SYN2: variants seen among roughly 807,000 people sequenced by gnomAD.
SYN2 encodes the protein synapsin-2.
In SYN2, 19 loss-of-function variants were observed where a neutral mutation model predicts 50.9. The observed-to-expected ratio is 0.37, with a 90% confidence interval of 0.26 to 0.55. The LOEUF (loss-of-function observed/expected upper bound fraction) is 0.55, where lower values mean the gene tolerates loss of function less well. Ranked by LOEUF, SYN2 falls within the 20% of genes least tolerant of loss-of-function variation. The pLI, the probability that SYN2 is intolerant of heterozygous loss-of-function variation, is 0.81. For missense variants in SYN2, 587 were observed against 576.4 expected (o/e 1.02, Z -0.19); for synonymous variants, 255 against 224.9 (o/e 1.13, Z -1.20).
chr3:12,066,551 T>C (rs2125165624), intron 1 of SYN2, among the ~76,000 whole-genome samples: 1 of 152,298 alleles, frequency 6.6e-6, no homozygotes, highest in Non-Finnish European at 1.5e-5. Context: ...TTATGCAAAC[T>C]GAATATTTGC....
intron 1 of SYN2, among the ~76,000 whole-genome samples, chr3:12,098,161 G>A (rs1012655282): frequency 6.6e-6 from 1 of 152,146 alleles, no homozygotes. Context: ...ATGTAGAAGA[G>A]ATCTTAAAAA....
intron 1 of SYN2, among the ~76,000 whole-genome samples, chr3:12,110,047 G>T (rs1441006808): frequency 6.6e-6 from 1 of 152,058 alleles, no homozygotes; most frequent in South Asian, 2.1e-4. Context: ...AGATTAGCTG[G>T]GTGTAGTGAT....
chr3:12,013,028 A>C (rs1037869030), intron 1 of SYN2, among the ~76,000 whole-genome samples: 5 of 152,348 alleles, frequency 3.3e-5, no homozygotes, highest in Non-Finnish European at 7.4e-5. Context: ...CTAATTGCTA[A>C]ATCCAGAGGA....
intron 1 of SYN2, among the ~76,000 whole-genome samples, chr3:12,099,513 A>C (rs1036500173): frequency 1.1e-4 from 17 of 152,196 alleles, no homozygotes; most frequent in African/African-American, 4.1e-4. Context: ...GAAAACAAAC[A>C]TACCATATTG....
chr3:12,144,658 A>G (rs540324110), intron 3 of SYN2, among the ~76,000 whole-genome samples: 2 of 152,352 alleles, frequency 1.3e-5, no homozygotes, highest in African/African-American at 4.8e-5. Flanking sequence ...TACCTTAGAA[A>G]AAGGTAGTGC....
chr3:12,088,682 A>G (rs541996125), intron 1 of SYN2, among the ~76,000 whole-genome samples: 2 of 152,342 alleles, frequency 1.3e-5, no homozygotes, highest in South Asian at 4.1e-4. Context: ...TGTAGTATAT[A>G]TACACAATGG....
At chr3:12,137,462 A>C (rs993105208) in intron 1 of SYN2, among the ~76,000 whole-genome samples, 2 of 152,200 alleles carry the variant, frequency 1.3e-5, no homozygotes, top group African/African-American at 4.8e-5. Context: ...TTCTGTCATA[A>C]ATTATTCATC....
chr3:12,063,398 G>A (rs1005200626), intron 1 of SYN2, among the ~76,000 whole-genome samples: 1 of 151,950 alleles, frequency 6.6e-6, no homozygotes, highest in Non-Finnish European at 1.5e-5. Context: ...GAATCTAAAC[G>A]TAAGAACTGT....
At chr3:12,078,197 G>T (rs897450096) in intron 1 of SYN2, among the ~76,000 whole-genome samples, 1 of 151,598 alleles carries the variant, frequency 6.6e-6, no homozygotes, top group South Asian at 2.1e-4. Flanking sequence ...TAAACTCTTT[G>T]TAGATTCTGG....
intron 11 of SYN2, 100 bp from the exon 12 acceptor site, chr3:12,187,269 C>T (rs1375531537): frequency 7.0e-7 from 1 of 1,429,162 alleles, no homozygotes; most frequent in African/African-American, 1.4e-5. Context: ...AGAGCTTATC[C>T]TTTGGGTAAT....
intron 1 of SYN2, among the ~76,000 whole-genome samples, chr3:12,062,134 GT>G (rs1287867720): frequency 2.0e-5 from 3 of 152,088 alleles, no homozygotes; most frequent in Middle Eastern, 3.4e-3. Context: ...TTACATTGTA[GT>G]TATCCATGCA....
chr3:12,118,199 G>A (rs1484473618), intron 1 of SYN2, among the ~76,000 whole-genome samples: 1 of 152,162 alleles, frequency 6.6e-6, no homozygotes, highest in Non-Finnish European at 1.5e-5. Context: ...TTTTGATCCT[G>A]CCTAACTTTC....
intron 1 of SYN2, among the ~76,000 whole-genome samples, chr3:12,014,473 T>G (rs1224808251): frequency 6.6e-6 from 1 of 152,080 alleles, no homozygotes; most frequent in Non-Finnish European, 1.5e-5. Flanking sequence ...CATAAATCTT[T>G]AGAGATTTAG....
At chr3:12,156,788 T>C (rs1177342120) in intron 5 of SYN2, 1 of 1,564,418 alleles carries the variant, frequency 6.4e-7, no homozygotes, top group South Asian at 1.1e-5. Context: ...GAATCTATTA[T>C]ATTAAGGCCA....
chr3:12,005,966 CT>C (rs1325964075), intron 1 of SYN2, among the ~76,000 whole-genome samples: 1 of 150,312 alleles, frequency 6.7e-6, no homozygotes, highest in Non-Finnish European at 1.5e-5. Context: ...CTGGGGGTGC[CT>C]TTTCTCCAGG....
At chr3:12,035,755 T>C (rs1472480072) in intron 1 of SYN2, among the ~76,000 whole-genome samples, 2 of 152,122 alleles carry the variant, frequency 1.3e-5, no homozygotes, top group Non-Finnish European at 2.9e-5. Context: ...GGAGTGCTAA[T>C]CTCTGGTTTG....
chr3:12,007,961 A>G (rs1415314697), intron 1 of SYN2, among the ~76,000 whole-genome samples: 1 of 152,232 alleles, frequency 6.6e-6, no homozygotes, highest in Non-Finnish European at 1.5e-5. Context: ...TGCCATTAAA[A>G]ATTGAAATCA....
chr3:12,070,453 G>A lies in SYN2; in HGVS notation c.377+65525G>A, dbSNP rs892919330. On this transcript the variant is annotated intron_variant, in intron 1 of 12. Transcript: ENST00000621198. Reference sequence around the variant, plus strand: ...GATTGGGACTCTGACCCCATTGAGCGTGGCATCGTCATCAACTGGGATGAC... The same window carrying A: ...GATTGGGACTCTGACCCCATTGAGCATGGCATCGTCATCAACTGGGATGAC... 57 of 572,902 alleles carry A rather than the reference G, an allele frequency of 9.9e-5. 1 individual carries two copies. The highest frequency in any genetic ancestry group is 6.8e-4 in the Middle Eastern group (2 of 2,958). 35.5% of individuals were successfully genotyped at this position (572,902 alleles called of 1,614,324 possible). A position where few individuals can be genotyped will look rare whatever the true frequency, so the allele number is the denominator to read the frequency against.
intron 1 of SYN2, among the ~76,000 whole-genome samples, chr3:12,103,752 A>G (rs1559421024): frequency 6.6e-6 from 1 of 152,174 alleles, no homozygotes; most frequent in Non-Finnish European, 1.5e-5. Flanking sequence ...CATGTATAAA[A>G]CTTCCAAATC....
Sources: gnomAD v4.1 joint callset for allele counts (sites outside exome capture counted in the v4.1 genomes callset) on GRCh38, gnomAD v4.1.1 for gene constraint, MANE v1.5 for transcripts, NCBI Gene and HGNC (gene_info 2026-07-23, HGNC 2026-07-21) for gene names.